GABBR2: variants seen among roughly 807,000 people sequenced by gnomAD.
GABBR2 encodes the protein gamma-aminobutyric acid type B receptor subunit 2.
A neutral mutation model predicts 105.6 loss-of-function variants in GABBR2; 23 were observed. That is an observed-to-expected ratio of 0.22 (90% CI 0.16 to 0.31). The LOEUF (loss-of-function observed/expected upper bound fraction) is 0.31. Ranked by LOEUF, GABBR2 falls within the 10% of genes least tolerant of loss-of-function variation. GABBR2 has a pLI of 1.00. For synonymous variants in GABBR2, 478 were observed against 499.7 expected (o/e 0.96, Z 0.58); for missense variants, 734 against 1,245.5 (o/e 0.59, Z 6.18).
intron 2 of GABBR2, among the ~76,000 whole-genome samples, chr9:98,576,928 ATGG>A (rs1358879550): frequency 2.3e-4 from 34 of 150,616 alleles, no homozygotes; most frequent in Non-Finnish European, 4.6e-4. Flanking sequence ...GGATGGATGG[ATGG>A]ATGGATGGAT....
At chr9:98,446,436 A>G (rs1826131398) in intron 7 of GABBR2, among the ~76,000 whole-genome samples, 1 of 152,224 alleles carries the variant, frequency 6.6e-6, no homozygotes, top group Admixed American at 6.5e-5. Flanking sequence ...TAAGAGATAC[A>G]TACACTGTGA....
At chr9:98,336,782 C>A (rs991656689) in intron 13 of GABBR2, among the ~76,000 whole-genome samples, 3 of 151,804 alleles carry the variant, frequency 2.0e-5, no homozygotes. Flanking sequence ...ATTAAACACT[C>A]CAATTGAAAT....
chr9:98,306,136 C>T lies in GABBR2; in HGVS notation c.2214G>A (p.Leu738=), dbSNP rs780889206. Residue 738 remains leucine, a synonymous_variant, in exon 15 of 19, where the codon CTG becomes CTA. Transcript: ENST00000259455. The surrounding 1 kb of genome is among the most constrained non-coding windows in gnomAD (Gnocchi z 5.4). ...IIFCSTITLC[L]VFVPKLITLR... ...GCGCCTGTACCTTCGGCACGAATACCAGGCAGAGGGTGATGGTGCTGCAGA... is the reference window on the plus strand; with the variant it reads ...GCGCCTGTACCTTCGGCACGAATACTAGGCAGAGGGTGATGGTGCTGCAGA... The T allele has an allele frequency of 8.1e-6, 13 of 1,613,900 alleles. No homozygotes were observed. The highest frequency in any genetic ancestry group is 1.1e-5 in the Non-Finnish European group (13 of 1,179,810).
At chr9:98,654,399 T>C (rs7033772) in intron 1 of GABBR2, among the ~76,000 whole-genome samples, 11,639 of 152,328 alleles carry the variant, frequency 0.076, 492 homozygotes, top group African/African-American at 0.088. Flanking sequence ...AAAGAATAAG[T>C]ATTATCTTCG....
chr9:98,665,546 C>T (rs905356595), intron 1 of GABBR2, among the ~76,000 whole-genome samples: 1 of 152,104 alleles, frequency 6.6e-6, no homozygotes, highest in Non-Finnish European at 1.5e-5. Flanking sequence ...ACCCAGCAGA[C>T]CCTATAGTAC....
chr9:98,315,716 G>A (rs935281471), intron 13 of GABBR2, among the ~76,000 whole-genome samples: 2 of 152,230 alleles, frequency 1.3e-5, no homozygotes, highest in African/African-American at 4.8e-5. Context: ...ACCACTAGAG[G>A]GCACCAAAGA....
intron 2 of GABBR2, among the ~76,000 whole-genome samples, chr9:98,557,400 T>C (rs931307694): frequency 1.3e-5 from 2 of 152,138 alleles, no homozygotes; most frequent in African/African-American, 4.8e-5. Flanking sequence ...AATAAATGAA[T>C]GCAGAGGGAG....
At chr9:98,619,878 T>C (rs1208827033) in intron 1 of GABBR2, among the ~76,000 whole-genome samples, 2 of 152,200 alleles carry the variant, frequency 1.3e-5, no homozygotes, top group African/African-American at 4.8e-5. Context: ...GGTTCATCTG[T>C]GGTCTAGCTG....
chr9:98,539,418 G>C (rs73655489), intron 3 of GABBR2, among the ~76,000 whole-genome samples: 9,021 of 152,240 alleles, frequency 0.059, 457 homozygotes, highest in African/African-American at 0.14. Context: ...GGAGAAATGG[G>C]AAGTCTGAAC....
intron 7 of GABBR2, among the ~76,000 whole-genome samples, chr9:98,446,914 A>C (rs1163813540): frequency 1.3e-5 from 2 of 152,114 alleles, no homozygotes; most frequent in African/African-American, 2.4e-5. Context: ...AATCAGGATA[A>C]TCTGGGGGAT....
At chr9:98,639,707 C>T (rs1359230931) in intron 1 of GABBR2, among the ~76,000 whole-genome samples, 5 of 152,102 alleles carry the variant, frequency 3.3e-5, no homozygotes, top group Admixed American at 6.5e-5. Flanking sequence ...CTTCCCTGAC[C>T]CAGAAGCCTG....
chr9:98,381,921 C>T (rs1291502431), intron 11 of GABBR2, among the ~76,000 whole-genome samples: 1 of 152,144 alleles, frequency 6.6e-6, no homozygotes, highest in African/African-American at 2.4e-5. Flanking sequence ...GGGGATGTCC[C>T]TGTTTTTGCT....
At chr9:98,504,649 C>T (rs1827469749) in intron 3 of GABBR2, among the ~76,000 whole-genome samples, 1 of 152,100 alleles carries the variant, frequency 6.6e-6, no homozygotes. Flanking sequence ...TGAATTGTGC[C>T]GAAATGTCAC....
At chr9:98,466,898 T>C (rs1826569856) in intron 6 of GABBR2, among the ~76,000 whole-genome samples, 1 of 152,192 alleles carries the variant, frequency 6.6e-6, no homozygotes, top group African/African-American at 2.4e-5. Flanking sequence ...CAGGGTCCTA[T>C]CTTTATGCTC....
At chr9:98,405,106 T>TAA (rs1832466066) in intron 8 of GABBR2, among the ~76,000 whole-genome samples, 1 of 152,096 alleles carries the variant, frequency 6.6e-6, no homozygotes, top group African/African-American at 2.4e-5. Flanking sequence ...GGAGCTGCTT[T>TAA]AAAACACTAC....
At position 98,607,419 on chromosome 9, in the gene GABBR2, C is replaced by T. The variant is rs529378130; in HGVS notation, c.322-29347G>A. The T allele has an allele frequency of 1.9e-5, 12 of 639,582 alleles. No individual in the cohort carries two copies. The South Asian group carries it at 2.2e-4, about 12-fold the overall frequency. The allele number at this position is 639,582 out of a possible 1,614,324, so 39.6% of individuals were successfully genotyped here. A position where few individuals can be genotyped will look rare whatever the true frequency, so the allele number is the denominator to read the frequency against. ...CTCACTTATTGCCACAGAAGACACACTCACACCAGAGGAATGCTAACAGTT... is the reference window on the plus strand; with the variant it reads ...CTCACTTATTGCCACAGAAGACACATTCACACCAGAGGAATGCTAACAGTT... On this transcript the variant is annotated intron_variant, in intron 1 of 18. Transcript: ENST00000259455.
Position 98,520,210 on chromosome 9 carries a change from A to G in GABBR2, c.630+21663T>C, listed in dbSNP as rs115538721. On this transcript the variant is annotated intron_variant, in intron 3 of 18. Coordinates refer to ENST00000259455, the MANE Select transcript of GABBR2 (RefSeq NM_005458.8). ...TTCATTATCAGAAATGACAAAGTCA[A>G]GAAGGGGAGGTGTGGAAAACATGCC... is the stretch of plus-strand genomic sequence containing the variant. Among the ~76,000 whole-genome samples the G allele has an allele frequency of 4.4e-3, 674 of 152,358 alleles. 5 individuals are homozygous for G. Among genetic ancestry groups the G allele is most frequent in the African/African-American group, 0.015 (642 of 41,588 alleles).
intron 11 of GABBR2, among the ~76,000 whole-genome samples, chr9:98,375,862 G>A (rs1831863536): frequency 6.6e-6 from 1 of 152,152 alleles, no homozygotes; most frequent in Non-Finnish European, 1.5e-5. Context: ...CCAAGTAAAC[G>A]AGAAGGTTTC....
chr9:98,321,488 G>A (rs540740736), intron 13 of GABBR2, among the ~76,000 whole-genome samples: 2 of 152,322 alleles, frequency 1.3e-5, no homozygotes, highest in African/African-American at 2.4e-5. Context: ...GGGAGTGCAC[G>A]TGGGTGCAAC....
Sources: allele counts gnomAD v4.1 joint callset (sites outside exome capture counted in the v4.1 genomes callset), GRCh38; gene constraint gnomAD v4.1.1; non-coding constraint Gnocchi (gnomAD v3.1); transcripts MANE v1.5; gene names NCBI Gene and HGNC (gene_info 2026-07-23, HGNC 2026-07-21).